Variants in HEPHL1 observed in about 807,000 individuals in gnomAD.
HEPHL1 encodes hephaestin like 1.
In HEPHL1, 123 loss-of-function variants were observed where a neutral mutation model predicts 122.0. That is an observed-to-expected ratio of 1.01 (90% CI 0.87 to 1.17). The LOEUF is 1.17. HEPHL1 is among the 50% of genes most tolerant of loss of function. The probability of loss-of-function intolerance (pLI) is 0.00; values close to 1 mark genes in which losing one functional copy is unlikely to be tolerated. For missense variants in HEPHL1, 1,452 were observed against 1,430.5 expected (o/e 1.01, Z -0.24); for synonymous variants, 527 against 508.9 (o/e 1.04, Z -0.48).
chr11:94,037,363 C>G (rs1305965945), intron 1 of HEPHL1, among the ~76,000 whole-genome samples: 2 of 151,776 alleles, frequency 1.3e-5, no homozygotes, highest in African/African-American at 4.9e-5. Context: ...GGGTGGAGCC[C>G]ACCACAGCTC....
Position 94,063,623 on chromosome 11 carries a change from C to T in HEPHL1, c.531C>T (p.Ala177=), listed in dbSNP as rs755495888. The change falls in exon 3 of 20, where the codon GCC becomes GCT. Residue 177 remains alanine, a synonymous_variant. Coordinates refer to ENST00000315765, the MANE Select transcript of HEPHL1 (RefSeq NM_001098672.2). The part of the protein sequence containing the change: ...PVREEYAPTP[A]DANCLTWVYH... ...GAGAAGAATATGCACCTACTCCAGC[C>T]GATGCCAACTGCCTGACCTGGGTGT... The T allele has an allele frequency of 1.3e-5, 21 of 1,613,734 alleles. No individual in the cohort carries two copies. In the East Asian group the frequency reaches 1.6e-4, roughly 12 times the overall value.
In HEPHL1 at chr11:94,063,651, C is replaced by T. The variant is rs759669004; in HGVS notation, c.559C>T (p.His187Tyr). ...TGCCAACTGCCTGACCTGGGTGTAC[C>T]ATTCGCACATCGACGCCCCAAAGGA... ...ADANCLTWVY[H>Y]SHIDAPKDIC... Residue 187 changes from histidine (H) to tyrosine (Y), a missense_variant, in exon 3 of 20, where the codon CAT (histidine) becomes TAT (tyrosine). Transcript: ENST00000315765. 1 of 1,613,874 alleles carries T rather than the reference C, an allele frequency of 6.2e-7. No individual in the cohort carries two copies. The highest frequency in any genetic ancestry group is 1.1e-5 in the South Asian group (1 of 91,086).
chr11:94,048,920 A>G (rs939056093), intron 2 of HEPHL1, among the ~76,000 whole-genome samples: 4 of 152,082 alleles, frequency 2.6e-5, no homozygotes, highest in Non-Finnish European at 5.9e-5. Flanking sequence ...CGGGCATTTG[A>G]GACCAGCCTG....
intron 1 of HEPHL1, among the ~76,000 whole-genome samples, chr11:94,043,898 C>T (rs1945809737): frequency 6.6e-6 from 1 of 151,998 alleles, no homozygotes; most frequent in Middle Eastern, 3.4e-3. Context: ...CTCCATATCC[C>T]TGGTACTGAT....
chr11:94,081,257 A>G (rs1946168016), intron 9 of HEPHL1, among the ~76,000 whole-genome samples: 1 of 152,216 alleles, frequency 6.6e-6, no homozygotes, highest in Non-Finnish European at 1.5e-5. Flanking sequence ...GAACACATGG[A>G]CACAGGGAGG....
intron 10 of HEPHL1, among the ~76,000 whole-genome samples, chr11:94,082,979 C>T (rs1166487681): frequency 6.6e-6 from 1 of 151,976 alleles, no homozygotes; most frequent in Non-Finnish European, 1.5e-5. Context: ...TTCCCAGCTA[C>T]TCAGGAGGCT....
chr11:94,084,132 C>T (rs1378167971), intron 10 of HEPHL1, among the ~76,000 whole-genome samples: 4 of 152,002 alleles, frequency 2.6e-5, no homozygotes, highest in African/African-American at 9.7e-5. Context: ...CAAGACCAGC[C>T]TGGGCAACTT....
intron 17 of HEPHL1, among the ~76,000 whole-genome samples, chr11:94,109,894 T>C (rs1433536412): frequency 2.0e-5 from 3 of 152,226 alleles, no homozygotes; most frequent in Non-Finnish European, 4.4e-5. Flanking sequence ...CAGAACAGTT[T>C]GTTTACAATT....
intron 1 of HEPHL1, among the ~76,000 whole-genome samples, chr11:94,028,317 AG>A (rs549528688): frequency 1.4e-3 from 211 of 152,302 alleles, no homozygotes; most frequent in Admixed American, 0.011. Flanking sequence ...AATTGCTCCA[AG>A]GAAGCTATCA....
intron 1 of HEPHL1, among the ~76,000 whole-genome samples, chr11:94,044,715 C>A (rs970049283): frequency 6.6e-6 from 1 of 151,754 alleles, no homozygotes; most frequent in Non-Finnish European, 1.5e-5. Flanking sequence ...TTAATTCTTG[C>A]AATTGTCTGA....
At chr11:94,062,037 C>A (rs1276719622) in intron 2 of HEPHL1, among the ~76,000 whole-genome samples, 1 of 151,922 alleles carries the variant, frequency 6.6e-6, no homozygotes, top group African/African-American at 2.4e-5. Flanking sequence ...TATGAATGGG[C>A]TGTAACTAAT....
chr11:94,035,968 C>T (rs1945718412), intron 1 of HEPHL1, among the ~76,000 whole-genome samples: 1 of 152,198 alleles, frequency 6.6e-6, no homozygotes, highest in African/African-American at 2.4e-5. Flanking sequence ...GATCTCCTGA[C>T]CTCGTGATCC....
Position 94,086,136 on chromosome 11 carries a change from T to C in HEPHL1, c.2027T>C (p.Leu676Pro). Residue 676 changes from leucine to proline, a missense_variant, in exon 11 of 20, where the codon CTG (leucine) becomes CCG (proline). By Grantham distance (98) the Leu-to-Pro change is moderately conservative (BLOSUM62 -3). Coordinates refer to ENST00000315765, the MANE Select transcript of HEPHL1 (RefSeq NM_001098672.2). ...CTACGAGGGACTCACCGAGACTCCC[T>C]GGCCCTGTTTCCCCACATGGCCACA... ...IHLRGTHRDS[L>P]ALFPHMATTA... 1 of 1,612,864 alleles carries C rather than the reference T, an allele frequency of 6.2e-7. No homozygotes were observed.
At chr11:94,111,647 C>T (rs751537546) in intron 19 of HEPHL1, 42 bp downstream of exon 19, 3 of 1,608,468 alleles carry the variant, frequency 1.9e-6, no homozygotes, top group South Asian at 1.1e-5. Context: ...CAACATTTCA[C>T]CCCTCAAAAA....
At chr11:94,051,608 T>C (rs1565349463) in intron 2 of HEPHL1, among the ~76,000 whole-genome samples, 1 of 152,142 alleles carries the variant, frequency 6.6e-6, no homozygotes, top group Non-Finnish European at 1.5e-5. Context: ...ACTTTGTTGA[T>C]TGTTTCCTTT....
At chr11:94,030,336 T>C (rs1279902049) in intron 1 of HEPHL1, among the ~76,000 whole-genome samples, 4 of 152,188 alleles carry the variant, frequency 2.6e-5, no homozygotes, top group Admixed American at 6.5e-5. Context: ...GCCTGTTCAA[T>C]CAGGAGTTGT....
rs567968652 is a variant in HEPHL1 at position 94,030,642 on chromosome 11, C to T, written c.170+9104C>T. On this transcript the variant is annotated intron_variant, in intron 1 of 19. Coordinates refer to ENST00000315765, the MANE Select transcript of HEPHL1 (RefSeq NM_001098672.2). ...GAGAAGTATCATTGAGTGACTTCTG[C>T]TTACATCTGATTGGCTAGAATTATG... is the stretch of plus-strand genomic sequence containing the variant. Among the ~76,000 whole-genome samples, 7 of 152,298 alleles carry T rather than the reference C, an allele frequency of 4.6e-5. No homozygotes were observed. In the East Asian group the frequency reaches 1.2e-3, roughly 25 times the overall value.
At position 94,107,932 on chromosome 11, in the gene HEPHL1, A is replaced by G. The variant is rs189686716; in HGVS notation, c.3045+1802A>G. ...AAGTAGGATTGCTAAGCCATGTGAT[A>G]AGTGTATGTTTGATTTCATAAGAAA... On this transcript the variant is annotated intron_variant, in intron 17 of 19. Coordinates refer to ENST00000315765, the MANE Select transcript of HEPHL1 (RefSeq NM_001098672.2). Among the ~76,000 whole-genome samples the G allele has an allele frequency of 3.9e-4, 60 of 152,318 alleles. No individual in the cohort carries two copies. The East Asian group carries it at 7.7e-3, about 20-fold the overall frequency.
chr11:94,106,951 C>G (rs1266159757), intron 17 of HEPHL1, among the ~76,000 whole-genome samples: 1 of 152,190 alleles, frequency 6.6e-6, no homozygotes, highest in African/African-American at 2.4e-5. Flanking sequence ...CCTCTAGCAT[C>G]AAGCTGTACC....
Sources: allele counts gnomAD v4.1 joint callset (sites outside exome capture counted in the v4.1 genomes callset), GRCh38; gene constraint gnomAD v4.1.1; transcripts MANE v1.5; gene names NCBI Gene and HGNC (gene_info 2026-07-23, HGNC 2026-07-21).